The following IMPG1 variants were observed in gnomAD, a reference collection of about 807,000 sequenced individuals.
IMPG1 encodes interphotoreceptor matrix proteoglycan of 150 kDa.
Under a neutral mutation model 92.0 loss-of-function variants are expected in IMPG1, and 85 were observed. The ratio of observed to expected loss-of-function variants is 0.92; its 90% CI spans 0.78 to 1.11. The LOEUF is 1.11. Ranked by LOEUF, IMPG1 falls within the 50% of genes least tolerant of loss-of-function variation. The probability of loss-of-function intolerance (pLI) is 0.00; values close to 1 mark genes in which losing one functional copy is unlikely to be tolerated. For synonymous variants in IMPG1, 367 were observed against 334.1 expected (o/e 1.10, Z -1.08); for missense variants, 1,022 against 956.0 (o/e 1.07, Z -0.91).
intron 16 of IMPG1, 77 bp from the exon 17 acceptor site, chr6:75,922,243 C>CA: frequency 1.5e-6 from 1 of 649,036 alleles, no homozygotes; most frequent in South Asian, 1.7e-5. Flanking sequence ...ATATTACTGC[C>CA]ACTGGTAGAT....
intron 1 of IMPG1, among the ~76,000 whole-genome samples, chr6:76,047,536 T>C (rs1312463200): frequency 1.3e-5 from 2 of 152,198 alleles, no homozygotes; most frequent in Non-Finnish European, 2.9e-5. Flanking sequence ...TGAATACTAA[T>C]TTGTTGTAAA....
chr6:75,949,858 TTTA>T (rs1156618059), intron 13 of IMPG1, among the ~76,000 whole-genome samples: 5 of 152,184 alleles, frequency 3.3e-5, no homozygotes, highest in African/African-American at 4.8e-5. Flanking sequence ...TATAAAATTT[TTTA>T]TTTATTGTCA....
At chr6:76,059,432 T>C (rs1001624110) in intron 1 of IMPG1, among the ~76,000 whole-genome samples, 1 of 151,406 alleles carries the variant, frequency 6.6e-6, no homozygotes, top group African/African-American at 2.4e-5. Context: ...ATAGAAACCC[T>C]AAGATAGGTT....
At chr6:75,971,756 A>G (rs958750631) in intron 12 of IMPG1, among the ~76,000 whole-genome samples, 2 of 152,160 alleles carry the variant, frequency 1.3e-5, no homozygotes, top group African/African-American at 4.8e-5. Flanking sequence ...TGTCTTTGCA[A>G]CCTCTTAGTG....
intron 12 of IMPG1, among the ~76,000 whole-genome samples, chr6:75,982,693 T>C (rs1220559300): frequency 6.6e-6 from 1 of 151,768 alleles, no homozygotes; most frequent in Non-Finnish European, 1.5e-5. Flanking sequence ...GCCCAAATAA[T>C]GACTATTTTT....
intron 14 of IMPG1, among the ~76,000 whole-genome samples, chr6:75,940,596 A>G: frequency 6.6e-6 from 1 of 152,188 alleles, no homozygotes; most frequent in Admixed American, 6.5e-5. Flanking sequence ...AAATTTTATT[A>G]AAGTTTAATT....
At chr6:75,976,568 G>GA (rs1371595461) in intron 12 of IMPG1, among the ~76,000 whole-genome samples, 7 of 149,914 alleles carry the variant, frequency 4.7e-5, no homozygotes, top group African/African-American at 1.2e-4. Context: ...TTTCAAAAAT[G>GA]AAAAAACAAA....
At chr6:76,054,112 C>T (rs1432639080) in intron 1 of IMPG1, among the ~76,000 whole-genome samples, 1 of 152,104 alleles carries the variant, frequency 6.6e-6, no homozygotes, top group Non-Finnish European at 1.5e-5. Context: ...TTTCTATTTG[C>T]TCTGGTTTGT....
At chr6:75,956,434 GTGA>G (rs1438906852) in intron 12 of IMPG1, among the ~76,000 whole-genome samples, 1 of 152,168 alleles carries the variant, frequency 6.6e-6, no homozygotes, top group Non-Finnish European at 1.5e-5. Context: ...TGTGGGATCA[GTGA>G]TGATATCCCC....
At chr6:75,953,691 C>T (rs1020203565) in intron 12 of IMPG1, among the ~76,000 whole-genome samples, 9 of 152,008 alleles carry the variant, frequency 5.9e-5, no homozygotes, top group African/African-American at 2.2e-4. Context: ...TATAACTGTG[C>T]CATGGTGGTT....
At chr6:76,048,742 C>T (rs1374313773) in intron 1 of IMPG1, among the ~76,000 whole-genome samples, 1 of 152,198 alleles carries the variant, frequency 6.6e-6, no homozygotes, top group Non-Finnish European at 1.5e-5. Flanking sequence ...TCTGTTTACA[C>T]TGACGCAAAA....
chr6:75,974,412 C>CCTTCCTTGCTTG (rs1554230343), intron 12 of IMPG1, among the ~76,000 whole-genome samples: 6 of 125,898 alleles, frequency 4.8e-5, no homozygotes, highest in African/African-American at 1.5e-4. Context: ...TTCCTTCCTT[C>CCTTCCTTGCTTG]CTTCCTTCCT....
chr6:76,025,174 G>T lies in IMPG1; in HGVS notation c.562+20C>A, dbSNP rs939206195. 6.1e-6 allele frequency: 9 copies of T among 1,484,062 alleles called. No homozygotes were observed. The highest frequency in any genetic ancestry group is 7.5e-6 in the Non-Finnish European group (8 of 1,069,116). The allele number at this position is 1,484,062 out of a possible 1,614,324, so 91.9% of individuals were successfully genotyped here. A position where few individuals can be genotyped will look rare whatever the true frequency, so the allele number is the denominator to read the frequency against. ...ATTTGAATGAAAGTTGAGAAGCAAA[G>T]AAATTAGATCTAAGCTTACCTGTTG... On this transcript the variant is annotated intron_variant, in intron 5 of 16. Coordinates refer to ENST00000369950, the MANE Select transcript of IMPG1 (RefSeq NM_001563.4).
intron 12 of IMPG1, among the ~76,000 whole-genome samples, chr6:75,992,306 C>G (rs1335466096): frequency 6.6e-6 from 1 of 152,170 alleles, no homozygotes; most frequent in Non-Finnish European, 1.5e-5. Context: ...CTCTCTCCCT[C>G]TCTCTCTTTC....
chr6:76,072,474 A>G lies in IMPG1; in HGVS notation c.15T>C (p.Thr5=), dbSNP rs201458605. Reference sequence around the variant, plus strand: ...TCCAAAAAACAAAAATAGCTCTTCTAGTTTCCAAATACATTCTGGCTTTTG... The same window carrying G: ...TCCAAAAAACAAAAATAGCTCTTCTGGTTTCCAAATACATTCTGGCTTTTG... The part of the protein sequence containing the change: MYLE[T]RRAIFVFWIF... Residue 5 remains threonine (T), a synonymous_variant, in exon 1 of 17, where the codon ACT becomes ACC. Coordinates refer to ENST00000369950, the MANE Select transcript of IMPG1 (RefSeq NM_001563.4). 5.0e-5 allele frequency: 80 copies of G among 1,594,346 alleles called. No homozygotes were observed. Among genetic ancestry groups the G allele is most frequent in the Non-Finnish European group, 6.2e-5 (72 of 1,167,208 alleles).
chr6:76,013,075 TG>T (rs1186333074), intron 7 of IMPG1, among the ~76,000 whole-genome samples: 3 of 152,086 alleles, frequency 2.0e-5, no homozygotes, highest in Non-Finnish European at 4.4e-5. Context: ...GGTTTATGTG[TG>T]TGAGTGGGCA....
chr6:75,988,221 A>G (rs1451051834), intron 12 of IMPG1, among the ~76,000 whole-genome samples: 2 of 152,218 alleles, frequency 1.3e-5, no homozygotes, highest in Non-Finnish European at 2.9e-5. Flanking sequence ...TGGTTGAACT[A>G]GTTTATAGTC....
intron 4 of IMPG1, among the ~76,000 whole-genome samples, chr6:76,031,983 C>T (rs1043086444): frequency 6.6e-6 from 1 of 152,148 alleles, no homozygotes; most frequent in African/African-American, 2.4e-5. Flanking sequence ...ATTTCAAAGT[C>T]ATTTGAAACT....
chr6:75,988,072 C>T (rs756579101), intron 12 of IMPG1, among the ~76,000 whole-genome samples: 12 of 152,262 alleles, frequency 7.9e-5, no homozygotes, highest in African/African-American at 1.4e-4. Flanking sequence ...AATAGTGCCA[C>T]GATAAACATA....
Sources: gnomAD v4.1 joint callset for allele counts (sites outside exome capture counted in the v4.1 genomes callset) on GRCh38, gnomAD v4.1.1 for gene constraint, MANE v1.5 for transcripts, NCBI Gene and HGNC (gene_info 2026-07-23, HGNC 2026-07-21) for gene names.